The following POR variants were observed in gnomAD, a reference collection of about 807,000 sequenced individuals.
The protein encoded by POR is cytochrome p450 oxidoreductase.
Under a neutral mutation model 84.0 loss-of-function variants are expected in POR, and 56 were observed. That is an observed-to-expected ratio of 0.67 (90% CI 0.54 to 0.83). POR has a LOEUF of 0.83. Ranked by LOEUF, POR falls within the 40% of genes least tolerant of loss-of-function variation. The pLI is 0.00. For synonymous variants in POR, 414 were observed against 400.5 expected (o/e 1.03, Z -0.40); for missense variants, 938 against 944.3 (o/e 0.99, Z 0.09).
At chr7:75,929,002 A>G (rs1233605486) in intron 1 of POR, among the ~76,000 whole-genome samples, 6 of 152,100 alleles carry the variant, frequency 3.9e-5, no homozygotes, top group African/African-American at 1.2e-4. Context: ...GCCAGCACCA[A>G]AGGATTTTGT....
chr7:75,955,009 A>G (rs920174627), intron 2 of POR, among the ~76,000 whole-genome samples: 6 of 151,828 alleles, frequency 4.0e-5, no homozygotes, highest in African/African-American at 1.5e-4. Context: ...CGCCCAGTCA[A>G]TTTTTGTATT....
chr7:75,944,430 G>C (rs181978293), intron 1 of POR, among the ~76,000 whole-genome samples: 85 of 152,322 alleles, frequency 5.6e-4, no homozygotes, highest in African/African-American at 2.0e-3. Flanking sequence ...CTACTCTGGT[G>C]GCTGAGGCAT....
intron 1 of POR, among the ~76,000 whole-genome samples, chr7:75,933,376 G>GTTTTTTTTTT (rs200575911): frequency 6.5e-5 from 6 of 92,086 alleles, no homozygotes; most frequent in South Asian, 4.2e-4. Flanking sequence ...ATAGGTCTTT[G>GTTTTTTTTTT]TTTTTTTTTT....
chr7:75,972,484 C>G, intron 3 of POR, 23 bp downstream of exon 3: 1 of 1,588,372 alleles, frequency 6.3e-7, no homozygotes, highest in Non-Finnish European at 8.6e-7. Flanking sequence ...CATGTCTTTA[C>G]TCTTCTCAGG....
intron 8 of POR, among the ~76,000 whole-genome samples, chr7:75,982,573 G>A (rs868925941): frequency 6.6e-5 from 10 of 152,174 alleles, no homozygotes; most frequent in Admixed American, 1.3e-4. Context: ...CCCACTTCTC[G>A]ACTAGGACAG....
intron 1 of POR, among the ~76,000 whole-genome samples, chr7:75,916,159 G>C (rs1806557867): frequency 6.6e-6 from 1 of 152,132 alleles, no homozygotes; most frequent in Non-Finnish European, 1.5e-5. Flanking sequence ...AGTGGGTCTG[G>C]TAGTAAGACA....
chr7:75,922,571 G>C (rs10261499), intron 1 of POR, among the ~76,000 whole-genome samples: 1 of 151,998 alleles, frequency 6.6e-6, no homozygotes, highest in African/African-American at 2.4e-5. Context: ...CAGTCTGCCC[G>C]CCTCGGCCTT....
chr7:75,948,333 G>A (rs1379810102), intron 1 of POR, among the ~76,000 whole-genome samples: 1 of 152,248 alleles, frequency 6.6e-6, no homozygotes, highest in East Asian at 1.9e-4. Flanking sequence ...TGAGCGCTGG[G>A]AGTGCCCAGT....
At chr7:75,933,887 T>C (rs1554550449) in intron 1 of POR, among the ~76,000 whole-genome samples, 3 of 150,750 alleles carry the variant, frequency 2.0e-5, no homozygotes, top group Admixed American at 1.3e-4. Context: ...CTTGAACTAT[T>C]TGAGAATGAG....
At chr7:75,938,128 C>T (rs1270084449) in intron 1 of POR, among the ~76,000 whole-genome samples, 4 of 152,216 alleles carry the variant, frequency 2.6e-5, no homozygotes, top group African/African-American at 9.6e-5. Flanking sequence ...AGATCTGACT[C>T]AGCAGCTGCC....
intron 1 of POR, among the ~76,000 whole-genome samples, chr7:75,948,701 A>G (rs1173537813): frequency 6.6e-5 from 10 of 152,132 alleles, no homozygotes; most frequent in African/African-American, 2.4e-4. Context: ...TTCTATTCAC[A>G]TGTTTATTTA....
chr7:75,959,804 G>T (rs1359640722), intron 2 of POR, among the ~76,000 whole-genome samples: 1 of 152,132 alleles, frequency 6.6e-6, no homozygotes, highest in Non-Finnish European at 1.5e-5. Context: ...GTTGGAATTG[G>T]ATTGAATCTG....
Position 75,947,722 on chromosome 7 carries a change from G to A in POR, c.-4-6267G>A, listed in dbSNP as rs576454816. Among the ~76,000 whole-genome samples the A allele has an allele frequency of 7.4e-4, 113 of 152,154 alleles. No individual in the cohort carries two copies. The South Asian group carries it at 8.9e-3, about 12-fold the overall frequency. ...GTAGTTATTGCGCCCTGGATTCTGC[G>A]CCAAGGAAGTGTGTGCTGGGGAGGG... On this transcript the variant is annotated intron_variant, in intron 1 of 15. Coordinates refer to ENST00000461988, the MANE Select transcript of POR (RefSeq NM_000941.3).
chr7:75,949,466 T>A (rs782424502), intron 1 of POR, among the ~76,000 whole-genome samples: 10 of 151,646 alleles, frequency 6.6e-5, no homozygotes, highest in Non-Finnish European at 1.3e-4. Flanking sequence ...TTTAGGTTTT[T>A]GTACGAAGTA....
rs72555503 is a variant in POR, at chr7:75,980,290, G to T, written c.367-49G>T. 6.9e-6 allele frequency: 11 copies of T among 1,587,022 alleles called. No individual in the cohort carries two copies. In the African/African-American group the frequency reaches 1.2e-4, roughly 17 times the overall value. On this transcript the variant is annotated intron_variant, in intron 4 of 15. Transcript: ENST00000461988. ...CCCCATCTGGTGCGGGTTGAACCTT[G>T]AACAGGCTCAGTCATGGCCGGGGCG...
intron 1 of POR, chr7:75,923,408 G>T (rs1806967544): frequency 2.9e-6 from 2 of 689,690 alleles, no homozygotes; most frequent in African/African-American, 1.8e-5. Flanking sequence ...TCTTCTTGGG[G>T]GTGTGTGCAT....
At chr7:75,967,230 C>T (rs1788226830) in intron 2 of POR, among the ~76,000 whole-genome samples, 1 of 152,132 alleles carries the variant, frequency 6.6e-6, no homozygotes, top group African/African-American at 2.4e-5. Flanking sequence ...CCCACCTCGG[C>T]CTCCCAAAGT....
chr7:75,957,375 C>T (rs1554553889), intron 2 of POR, among the ~76,000 whole-genome samples: 1 of 152,148 alleles, frequency 6.6e-6, no homozygotes, highest in African/African-American at 2.4e-5. Flanking sequence ...GTACACGGGG[C>T]ATTGCTGGTG....
intron 11 of POR, 28 bp from the exon 12 acceptor site, chr7:75,985,030 A>G (rs1554558860): frequency 1.9e-6 from 3 of 1,584,158 alleles, no homozygotes; most frequent in South Asian, 2.2e-5. Flanking sequence ...GGCCCCAATC[A>G]GCCCCATCTC....
Sources: allele counts gnomAD v4.1 joint callset (sites outside exome capture counted in the v4.1 genomes callset), GRCh38; gene constraint gnomAD v4.1.1; transcripts MANE v1.5; gene names NCBI Gene and HGNC (gene_info 2026-07-23, HGNC 2026-07-21).